GAA: variants seen among roughly 807,000 people sequenced by gnomAD.
The protein encoded by GAA is alpha glucosidase, also known as lysosomal alpha-glucosidase.
GAA carries 88 observed loss-of-function variants against 103.9 expected under a neutral mutation model. That is an observed-to-expected ratio of 0.85 (90% confidence interval 0.71 to 1.01). The LOEUF is 1.01. Among genes scored for constraint, GAA ranks in the 50% least tolerant of loss-of-function variants. The probability of loss-of-function intolerance (pLI) is 0.00; values close to 1 mark genes in which losing one functional copy is unlikely to be tolerated. For synonymous variants in GAA, 572 were observed against 563.1 expected (o/e 1.02, Z -0.22); for missense variants, 1,350 against 1,305.3 (o/e 1.03, Z -0.53).
At chr17:80,108,638 G>A (rs1445779524) in intron 7 of GAA, 31 bp downstream of exon 7, 4 of 1,612,534 alleles carry the variant, frequency 2.5e-6, no homozygotes, top group Non-Finnish European at 3.4e-6. Context: ...GGGAGGCAAG[G>A]GGCTGGCCGG....
At chr17:80,111,492 G>A (rs1170869771) in intron 11 of GAA, among the ~76,000 whole-genome samples, 2 of 152,210 alleles carry the variant, frequency 1.3e-5, no homozygotes, top group Non-Finnish European at 2.9e-5. Flanking sequence ...CTGAAGGCAG[G>A]CCAGGGTGAC....
At chr17:80,116,207 G>A (rs1370191645) in intron 15 of GAA, among the ~76,000 whole-genome samples, 1 of 152,198 alleles carries the variant, frequency 6.6e-6, no homozygotes, top group East Asian at 1.9e-4. Context: ...GAGAAAATAA[G>A]ACTATCCCTT....
chr17:80,111,990 T>G lies in GAA; in HGVS notation c.1644T>G (p.Val548=). ...LENPPYVPGV[V]GGTLQAATIC... is the part of the protein sequence containing the mutation. ...AGCCCCCGCCTCTTCCAGGGGTGGT[T>G]GGGGGGACCCTCCAGGCGGCCACCA... Residue 548 remains valine, a synonymous_variant, in exon 12 of 20, where the codon GTT becomes GTG. Transcript: ENST00000302262. 6.2e-7 allele frequency: 1 copy of G among 1,613,552 alleles called. No individual in the cohort carries two copies. The highest frequency in any genetic ancestry group is 8.5e-7 in the Non-Finnish European group (1 of 1,179,822).
At position 80,113,205 on chromosome 17, in the gene GAA, G is replaced by A. The variant is rs1450561353; in HGVS notation, c.2041-13G>A. 12 of 1,588,184 alleles carry A rather than the reference G, an allele frequency of 7.6e-6. No individual in the cohort carries two copies. Among genetic ancestry groups the A allele is most frequent in the Admixed American group, 5.3e-5 (3 of 57,046 alleles). On this transcript the variant is annotated splice_polypyrimidine_tract_variant and intron_variant, in intron 14 of 19. Transcript: ENST00000302262. ...GCACCCAAGTGCTTCCTTTGCCCCC[G>A]CCTGCCCTGCAGCCCCAGGAGCCGT...
intron 11 of GAA, 23 bp downstream of exon 11, chr17:80,111,048 C>A: frequency 6.2e-7 from 1 of 1,607,704 alleles, no homozygotes; most frequent in East Asian, 2.2e-5. Flanking sequence ...CCCACCTACC[C>A]TGGGGACTTA....
chr17:80,112,727 G>T lies in GAA; in HGVS notation c.1888+16G>T, dbSNP rs1363760027. On this transcript the variant is annotated intron_variant, in intron 13 of 19. Coordinates refer to ENST00000302262, the MANE Select transcript of GAA (RefSeq NM_000152.5). Reference sequence around the variant, plus strand: ...TCCGTGCCAGGTGAGCTCCTACCAGGAGGGGCTGCTCAGCAGAGTAGAGCC... The same window carrying T: ...TCCGTGCCAGGTGAGCTCCTACCAGTAGGGGCTGCTCAGCAGAGTAGAGCC... 1.2e-6 allele frequency: 2 copies of T among 1,601,356 alleles called. No homozygotes were observed. The highest frequency in any genetic ancestry group is 2.3e-5 in the East Asian group (1 of 44,380).
In GAA at chr17:80,111,850, G is replaced by A. The variant is rs561776491; in HGVS notation, c.1637-133G>A. On this transcript the variant is annotated intron_variant, in intron 11 of 19. Transcript: ENST00000302262. Reference sequence around the variant, plus strand: ...CCCCACAGAGGCGTGGGGAGCGGCTGCAGGTGCACCTCCAGGGCCAGCCTG... The same window carrying A: ...CCCCACAGAGGCGTGGGGAGCGGCTACAGGTGCACCTCCAGGGCCAGCCTG... 3.6e-4 allele frequency: 251 copies of A among 697,930 alleles called. 2 individuals carry two copies. The East Asian group carries it at 5.4e-3, about 15-fold the overall frequency. 43.2% of individuals were successfully genotyped at this position (697,930 alleles called of 1,614,324 possible). A position where few individuals can be genotyped will look rare whatever the true frequency, so the allele number is the denominator to read the frequency against.
Position 80,105,870 on chromosome 17 carries a change from G to A in GAA, c.668G>A (p.Arg223His), listed in dbSNP as rs1042395. The part of the protein sequence containing the change: ...FSEEPFGVIV[R>H]RQLDGRVLLN... ...GAGGAGCCCTTCGGGGTGATCGTGC[G>A]CCGGCAGCTGGACGGCCGCGTGCTG... The change falls in exon 3 of 20, where the codon CGC becomes CAC. Residue 223 changes from arginine to histidine, a missense_variant. Arg to His is a conservative substitution (Grantham distance 29). Coordinates refer to ENST00000302262, the MANE Select transcript of GAA (RefSeq NM_000152.5). 0.71 allele frequency: 1,130,039 copies of A among 1,600,590 alleles called. 402,766 individuals are homozygous for A. The highest frequency in any genetic ancestry group is 0.8 in the Middle Eastern group (4,370 of 5,482).
chr17:80,112,472 T>C, intron 12 of GAA, 106 bp from the exon 13 acceptor site: 1 of 1,428,130 alleles, frequency 7.0e-7, no homozygotes, highest in Non-Finnish European at 9.7e-7. Flanking sequence ...CCCCAGCCTC[T>C]GCCTCATCCC....
In GAA at chr17:80,108,383, TG is replaced by T. The variant is rs786204507; in HGVS notation, c.1051del (p.Val351CysfsTer41). ...YIFLGPEPKS[V>X]VQQYLDVVGY... ...TTCCTGGGCCCAGAGCCCAAGAGCG[TG>T]GTGCAGCAGTACCTGGACGTTGTGG... On this transcript the variant is annotated frameshift_variant, in exon 6 of 20. Coordinates refer to ENST00000302262, the MANE Select transcript of GAA (RefSeq NM_000152.5). LOFTEE classifies it high-confidence loss of function. The T allele has an allele frequency of 1.2e-6, 2 of 1,613,480 alleles. No individual in the cohort carries two copies. The highest frequency in any genetic ancestry group is 1.7e-6 in the Non-Finnish European group (2 of 1,180,028).
chr17:80,108,076 T>TG (rs2039137702), intron 5 of GAA, among the ~76,000 whole-genome samples, 180 bp downstream of exon 5: 1 of 152,202 alleles, frequency 6.6e-6, no homozygotes, highest in East Asian at 1.9e-4. Context: ...AGGAGGGTTC[T>TG]GGGGCCCTGC....
Position 80,119,423 on chromosome 17 carries a change from G to A in GAA, c.*92G>A, listed in dbSNP as rs1159808721. 23 of 1,068,298 alleles carry A rather than the reference G, an allele frequency of 2.2e-5. No homozygotes were observed. The highest frequency in any genetic ancestry group is 2.1e-4 in the South Asian group (17 of 79,378). The allele number at this position is 1,068,298 out of a possible 1,614,324, so 66.2% of individuals were successfully genotyped here. A position where few individuals can be genotyped will look rare whatever the true frequency, so the allele number is the denominator to read the frequency against. On this transcript the variant is annotated 3_prime_UTR_variant, in exon 20 of 20. Transcript: ENST00000302262. ...GGCAGCAGCTGTGTGCGGGCCTGGG[G>A]GTTGCATGTGTCACCTGGAGCTGGG...
intron 13 of GAA, 26 bp downstream of exon 13, chr17:80,112,737 T>C (rs765931582): frequency 6.3e-7 from 1 of 1,597,260 alleles, no homozygotes; most frequent in African/African-American, 1.3e-5. Context: ...GAGGGGCTGC[T>C]CAGCAGAGTA....
chr17:80,117,600 G>C lies in GAA; in HGVS notation c.2332G>C (p.Val778Leu), dbSNP rs761275714. Reference protein sequence around the residue: ...PLGTWYDLQTVPVEALGSLPP... With the variant: ...PLGTWYDLQTLPVEALGSLPP... ...TCCTCAAAGCAACATCTCCCTCCAG[G>C]TGCCAGTAGAGGCCCTTGGCAGCCT... is the stretch of plus-strand genomic sequence containing the variant. Residue 778 changes from valine to leucine, a missense_variant and splice_region_variant, in exon 17 of 20, where the codon GTG becomes CTG. By Grantham distance (32) the Val-to-Leu change is conservative. Transcript: ENST00000302262. 1 of 1,612,898 alleles carries C rather than the reference G, an allele frequency of 6.2e-7. No individual in the cohort carries two copies. The highest frequency in any genetic ancestry group is 8.5e-7 in the Non-Finnish European group (1 of 1,179,984).
Position 80,112,944 on chromosome 17 carries a change from A to G in GAA, c.1957A>G (p.Thr653Ala), listed in dbSNP as rs773737526. 1.2e-6 allele frequency: 2 copies of G among 1,610,430 alleles called. No homozygotes were observed. Among genetic ancestry groups the G allele is most frequent in the Non-Finnish European group, 1.7e-6 (2 of 1,179,008 alleles). The change falls in exon 14 of 20, where the codon ACC (threonine) becomes GCC (alanine). Residue 653 changes from threonine (T) to alanine (A), a missense_variant. Physicochemically the swap from Thr to Ala is moderately conservative, Grantham distance 58. Coordinates refer to ENST00000302262, the MANE Select transcript of GAA (RefSeq NM_000152.5). Reference sequence around the variant, plus strand: ...CGACGTCTGCGGCTTCCTGGGCAACACCTCAGAGGAGCTGTGTGTGCGCTG... The same window carrying G: ...CGACGTCTGCGGCTTCCTGGGCAACGCCTCAGAGGAGCTGTGTGTGCGCTG... ...GADVCGFLGN[T>A]SEELCVRWTQ...
Position 80,111,720 on chromosome 17 carries a change from G to A in GAA, c.1637-263G>A, listed in dbSNP as rs150320118. ...GAGTGCTTGAAATGGGCCAAGAGACGGTGGATGTGAAGTCTGGGGGTCTGC... is the reference window on the plus strand; with the variant it reads ...GAGTGCTTGAAATGGGCCAAGAGACAGTGGATGTGAAGTCTGGGGGTCTGC... On this transcript the variant is annotated intron_variant, in intron 11 of 19. Coordinates refer to ENST00000302262, the MANE Select transcript of GAA (RefSeq NM_000152.5). 303 of 531,438 alleles carry A rather than the reference G, an allele frequency of 5.7e-4. 1 individual carries two copies. Among genetic ancestry groups the A allele is most frequent in the East Asian group, 4.7e-3 (142 of 30,122 alleles). The allele number at this position is 531,438 out of a possible 1,614,324, so 32.9% of individuals were successfully genotyped here. A position where few individuals can be genotyped will look rare whatever the true frequency, so the allele number is the denominator to read the frequency against.
intron 7 of GAA, 23 bp downstream of exon 7, chr17:80,108,630 G>A: frequency 6.2e-7 from 1 of 1,612,694 alleles, no homozygotes; most frequent in Non-Finnish European, 8.5e-7. Flanking sequence ...GGTGGCAGGG[G>A]AGGCAAGGGG....
chr17:80,104,471 G>A lies in GAA; in HGVS notation c.-32-84G>A, dbSNP rs368377256. 6.4e-3 allele frequency: 6,499 copies of A among 1,012,690 alleles called. 88 individuals carry two copies. The highest frequency in any genetic ancestry group is 0.043 in the South Asian group (2,652 of 61,064). The allele number at this position is 1,012,690 out of a possible 1,614,324, so 62.7% of individuals were successfully genotyped here. The stretch of plus-strand genomic sequence containing the variant: ...GCCTGGGTGCTGCAGTGCCAGCCGC[G>A]GTTGATGTCTCAGAGCTGCTTTGAG... On this transcript the variant is annotated intron_variant, in intron 1 of 19. Transcript: ENST00000302262. This position sits in a 1 kb window ranked among gnomAD's most constrained non-coding sequence, Gnocchi z 4.0.
intron 15 of GAA, among the ~76,000 whole-genome samples, chr17:80,114,679 T>C (rs1213390574): frequency 1.3e-5 from 2 of 152,240 alleles, no homozygotes; most frequent in African/African-American, 4.8e-5. Flanking sequence ...AAACAAAAAG[T>C]ACATACACAC....
Sources: gnomAD v4.1 joint callset for allele counts (sites outside exome capture counted in the v4.1 genomes callset) on GRCh38, gnomAD v4.1.1 for gene constraint, Gnocchi (gnomAD v3.1) non-coding constraint, MANE v1.5 for transcripts, NCBI Gene and HGNC (gene_info 2026-07-23, HGNC 2026-07-21) for gene names.